Variants in ARHGEF28 observed in about 807,000 individuals in gnomAD.
ARHGEF28 encodes the protein Rho guanine nucleotide exchange factor 28.
ARHGEF28 carries 152 observed loss-of-function variants against 206.6 expected under a neutral mutation model. That is an observed-to-expected ratio of 0.74 (90% confidence interval 0.64 to 0.84). The LOEUF (loss-of-function observed/expected upper bound fraction) is 0.84. ARHGEF28 is among the 40% of genes least tolerant of loss of function. The pLI, the probability that ARHGEF28 is intolerant of heterozygous loss-of-function variation, is 0.00. For synonymous variants in ARHGEF28, 763 were observed against 776.4 expected (o/e 0.98, Z 0.29); for missense variants, 2,028 against 2,073.2 (o/e 0.98, Z 0.42).
At chr5:73,818,503 A>C (rs538119297) in intron 9 of ARHGEF28, among the ~76,000 whole-genome samples, 1 of 152,202 alleles carries the variant, frequency 6.6e-6, no homozygotes, top group Non-Finnish European at 1.5e-5. Context: ...CCATAGGATG[A>C]GTAAGTCACT....
intron 2 of ARHGEF28, among the ~76,000 whole-genome samples, chr5:73,748,252 G>T (rs1399401003): frequency 6.6e-6 from 1 of 152,018 alleles, no homozygotes; most frequent in African/African-American, 2.4e-5. Context: ...ATTTTTCTTG[G>T]CGTGTTGCTT....
intron 1 of ARHGEF28, among the ~76,000 whole-genome samples, chr5:73,678,782 G>A (rs1223643720): frequency 1.3e-5 from 2 of 151,276 alleles, no homozygotes; most frequent in African/African-American, 4.9e-5. Flanking sequence ...TCTTCAAAAT[G>A]TACCCTTATC....
intron 8 of ARHGEF28, among the ~76,000 whole-genome samples, chr5:73,794,876 G>A (rs1485825529): frequency 2.0e-5 from 3 of 152,074 alleles, no homozygotes; most frequent in South Asian, 2.1e-4. Flanking sequence ...CCAAGTGCTG[G>A]GATTACAGGC....
At chr5:73,667,107 A>C (rs1238358356) in intron 1 of ARHGEF28, among the ~76,000 whole-genome samples, 1 of 152,152 alleles carries the variant, frequency 6.6e-6, no homozygotes, top group Non-Finnish European at 1.5e-5. Flanking sequence ...GAGTCTTTTG[A>C]AAGAGCTGTA....
chr5:73,905,753 G>A (rs116378550), intron 33 of ARHGEF28, among the ~76,000 whole-genome samples: 5 of 152,258 alleles, frequency 3.3e-5, no homozygotes, highest in African/African-American at 9.6e-5. Context: ...ACATCCTTGT[G>A]TACTCATCTC....
At chr5:73,866,993 G>C (rs142936898) in intron 18 of ARHGEF28, among the ~76,000 whole-genome samples, 1 of 152,168 alleles carries the variant, frequency 6.6e-6, no homozygotes, top group East Asian at 1.9e-4. Context: ...GGTGCAGGTA[G>C]TAACAACTGT....
intron 2 of ARHGEF28, among the ~76,000 whole-genome samples, chr5:73,687,568 C>T (rs898124882): frequency 4.1e-4 from 63 of 151,990 alleles, no homozygotes; most frequent in African/African-American, 1.5e-3. Flanking sequence ...TGGGTAATGT[C>T]GTGCAGACAG....
chr5:73,880,171 T>C (rs868339871), intron 22 of ARHGEF28, among the ~76,000 whole-genome samples: 25 of 152,318 alleles, frequency 1.6e-4, no homozygotes, highest in Middle Eastern at 3.4e-3. Context: ...ACTTGCAGTT[T>C]GTTCTCAGAC....
At chr5:73,886,211 C>CA (rs1376579548) in intron 25 of ARHGEF28, 107 bp downstream of exon 25, 1 of 1,371,806 alleles carries the variant, frequency 7.3e-7, no homozygotes, top group Non-Finnish European at 9.8e-7. Flanking sequence ...CACACATGCG[C>CA]AAACCCTGGG....
intron 1 of ARHGEF28, among the ~76,000 whole-genome samples, chr5:73,661,041 C>G (rs1165657025): frequency 6.6e-6 from 1 of 152,216 alleles, no homozygotes; most frequent in African/African-American, 2.4e-5. Context: ...TCCTCCTTAC[C>G]TATGAAAGTC....
chr5:73,631,996 C>T (rs1323177367), intron 1 of ARHGEF28, among the ~76,000 whole-genome samples: 1 of 152,192 alleles, frequency 6.6e-6, no homozygotes, highest in Non-Finnish European at 1.5e-5. Context: ...TAAGTCTCAA[C>T]TTTACATCGT....
At chr5:73,861,040 A>G (rs1759365637) in intron 16 of ARHGEF28, among the ~76,000 whole-genome samples, 1 of 152,234 alleles carries the variant, frequency 6.6e-6, no homozygotes, top group Non-Finnish European at 1.5e-5. Context: ...ACTGTGGTCC[A>G]AACTCCTGCC....
intron 1 of ARHGEF28, among the ~76,000 whole-genome samples, chr5:73,654,344 C>G (rs1026981076): frequency 1.3e-5 from 2 of 152,156 alleles, no homozygotes; most frequent in Non-Finnish European, 2.9e-5. Context: ...CTGAGGCACT[C>G]GAGGGGCTCT....
At chr5:73,695,016 C>T (rs1748101656) in intron 2 of ARHGEF28, among the ~76,000 whole-genome samples, 2 of 152,200 alleles carry the variant, frequency 1.3e-5, no homozygotes, top group Non-Finnish European at 2.9e-5. Flanking sequence ...GTGTGTGTGT[C>T]ATTAGTCTCT....
At position 73,867,935 on chromosome 5, in the gene ARHGEF28, C is replaced by T; in HGVS notation, c.2212C>T (p.Pro738Ser). 6.2e-7 allele frequency: 1 copy of T among 1,613,972 alleles called. No individual in the cohort carries two copies. Among genetic ancestry groups the T allele is most frequent in the Non-Finnish European group, 8.5e-7 (1 of 1,179,868 alleles). ...CTCCTTGCACCCTTCTTCCTCCGTG[C>T]CTGTTGGATTGCCGACTGGAAGGAG... ...GLSLHPSSSV[P>S]VGLPTGRRET... The change falls in exon 19 of 36, where the codon CCT becomes TCT. Residue 738 changes from proline to serine, a missense_variant. Physicochemically the swap from Pro to Ser is moderately conservative, Grantham distance 74. Transcript: ENST00000513042.
intron 1 of ARHGEF28, among the ~76,000 whole-genome samples, chr5:73,657,100 G>C (rs867129009): frequency 2.1e-4 from 31 of 151,006 alleles, no homozygotes; most frequent in Non-Finnish European, 2.5e-4. Flanking sequence ...GAGAACCTGG[G>C]AGGCAGAGTT....
At chr5:73,833,099 G>C (rs1484299661) in intron 10 of ARHGEF28, among the ~76,000 whole-genome samples, 1 of 152,052 alleles carries the variant, frequency 6.6e-6, no homozygotes, top group Non-Finnish European at 1.5e-5. Context: ...CTTTTCTCTA[G>C]CTCAGTGATC....
intron 7 of ARHGEF28, among the ~76,000 whole-genome samples, chr5:73,781,571 A>T (rs1404727591): frequency 1.3e-5 from 2 of 152,164 alleles, no homozygotes; most frequent in Non-Finnish European, 2.9e-5. Flanking sequence ...TTAGTAAGTT[A>T]TGGTAATAAA....
intron 2 of ARHGEF28, among the ~76,000 whole-genome samples, chr5:73,686,693 T>G (rs903037094): frequency 1.3e-5 from 2 of 151,926 alleles, no homozygotes; most frequent in African/African-American, 4.8e-5. Flanking sequence ...AATTTTTTTT[T>G]GTATGTTTTT....
Sources: allele counts gnomAD v4.1 joint callset (sites outside exome capture counted in the v4.1 genomes callset), GRCh38; gene constraint gnomAD v4.1.1; transcripts MANE v1.5; gene names NCBI Gene and HGNC (gene_info 2026-07-23, HGNC 2026-07-21).